The following LINGO2 variants were observed in gnomAD, a reference collection of about 807,000 sequenced individuals.
LINGO2 encodes the protein leucine rich repeat and Ig domain containing 2.
Under a neutral mutation model 30.6 loss-of-function variants are expected in LINGO2, and 14 were observed. That is an observed-to-expected ratio of 0.46 (90% CI 0.30 to 0.72). The LOEUF (loss-of-function observed/expected upper bound fraction) is 0.72, where lower values mean the gene tolerates loss of function less well. Ranked by LOEUF, LINGO2 falls within the 30% of genes least tolerant of loss-of-function variation. The probability of loss-of-function intolerance (pLI) is 0.07; values close to 1 mark genes in which losing one functional copy is unlikely to be tolerated. For missense variants in LINGO2, 729 were observed against 751.7 expected, an observed-to-expected ratio of 0.97 and a Z score of 0.35; for synonymous variants, 317 against 288.5, an observed-to-expected ratio of 1.10 and a Z score of -1.00.
chr9:28,159,580 C>T (rs1015481826), intron 4 of LINGO2, among the ~76,000 whole-genome samples: 1 of 151,792 alleles, frequency 6.6e-6, no homozygotes, highest in African/African-American at 2.4e-5. Flanking sequence ...TAGATAATTG[C>T]TTTACAACCC....
the LINGO2 span, among the ~76,000 whole-genome samples, chr9:28,912,451 C>T: frequency 2.6e-4 from 40 of 152,118 alleles, no homozygotes; most frequent in African/African-American, 9.2e-4. Context: ...TGGCAGGCAA[C>T]TCTTCTGTAT....
intron 4 of LINGO2, among the ~76,000 whole-genome samples, chr9:28,059,406 A>G (rs1028034155): frequency 6.6e-6 from 1 of 151,748 alleles, no homozygotes; most frequent in East Asian, 1.9e-4. Context: ...CTTTTTCTCA[A>G]TCCTTTGACT....
At chr9:28,632,866 ATATATATATATAT>A (rs1827052451) in intron 1 of LINGO2, among the ~76,000 whole-genome samples, 1 of 108,210 alleles carries the variant, frequency 9.2e-6, no homozygotes, top group African/African-American at 4.0e-5. Flanking sequence ...TTATATATAT[ATATATATATATAT>A]GTAGAGAGAG....
intron 1 of LINGO2, among the ~76,000 whole-genome samples, chr9:28,526,098 T>A (rs1234313086): frequency 1.4e-5 from 2 of 143,852 alleles, no homozygotes; most frequent in South Asian, 2.3e-4. Flanking sequence ...ACCCACCTTA[T>A]ACTGGTGAAC....
At chr9:28,866,008 C>T in the LINGO2 span, among the ~76,000 whole-genome samples, 2 of 152,022 alleles carry the variant, frequency 1.3e-5, no homozygotes, top group African/African-American at 2.4e-5. Flanking sequence ...CTATGTTAGT[C>T]GGGTACTTGG....
rs138870574 is a variant in LINGO2, at chr9:27,958,589, T to C, written c.-35-7883A>G. ...CATTCATATAACTTTTATTATAGTATATTTTTATAATTGTCCTATTTTATT... is the reference window on the plus strand; with the variant it reads ...CATTCATATAACTTTTATTATAGTACATTTTTATAATTGTCCTATTTTATT... On this transcript the variant is annotated intron_variant, in intron 5 of 5. Coordinates refer to ENST00000379992, the Ensembl canonical transcript of LINGO2. 7.6e-3 allele frequency among the ~76,000 whole-genome samples: 1,150 copies of C among 152,300 alleles called. 20 individuals carry two copies. The highest frequency in any genetic ancestry group is 0.027 in the African/African-American group (1,108 of 41,578).
intron 1 of LINGO2, among the ~76,000 whole-genome samples, chr9:28,544,587 C>T (rs1022483353): frequency 6.6e-6 from 1 of 152,168 alleles, no homozygotes; most frequent in East Asian, 1.9e-4. Flanking sequence ...GCATTCCCAC[C>T]CATGTTAGTA....
At chr9:27,942,353 C>G in the LINGO2 span, 3 of 151,816 alleles carry the variant, frequency 2.0e-5, no homozygotes, top group Non-Finnish European at 1.5e-5. Flanking sequence ...TATTTTTATA[C>G]GACTCCGATT....
rs370073231 is a variant in LINGO2 at position 28,326,217 on chromosome 9, T to G, written c.-245-30851A>C. Among the ~76,000 whole-genome samples, 18 of 152,160 alleles carry G rather than the reference T, an allele frequency of 1.2e-4. No individual in the cohort carries two copies. The East Asian group carries it at 1.5e-3, about 13-fold the overall frequency. ...AGATGGGATTTCACCATGTTGGTCATGCTGGTCTGTAACTCCTGACCTCGT... is the reference window on the plus strand; with the variant it reads ...AGATGGGATTTCACCATGTTGGTCAGGCTGGTCTGTAACTCCTGACCTCGT... On this transcript the variant is annotated intron_variant, in intron 3 of 5. Transcript: ENST00000379992.
At chr9:28,670,782 G>A (rs1274542779), upstream of LINGO2, among the ~76,000 whole-genome samples, 1 of 152,078 alleles carries the variant, frequency 6.6e-6, no homozygotes, top group Non-Finnish European at 1.5e-5. Context: ...CATCTGATAA[G>A]TTAATATGCA....
chr9:28,642,244 A>T (rs1357832108), intron 1 of LINGO2, among the ~76,000 whole-genome samples: 1 of 152,154 alleles, frequency 6.6e-6, no homozygotes, highest in African/African-American at 2.4e-5. Context: ...AGTGTCCTTA[A>T]AAAACCCCAA....
the LINGO2 span, among the ~76,000 whole-genome samples, chr9:29,128,200 T>A: frequency 2.6e-5 from 4 of 152,122 alleles, no homozygotes; most frequent in Non-Finnish European, 4.4e-5. Flanking sequence ...TCTAACACAC[T>A]AAGATTAGAC....
chr9:29,034,447 C>A, the LINGO2 span, among the ~76,000 whole-genome samples: 1 of 152,074 alleles, frequency 6.6e-6, no homozygotes, highest in Non-Finnish European at 1.5e-5. Flanking sequence ...AGTGGCCCAG[C>A]AAACTGTAAG....
intron 5 of LINGO2, among the ~76,000 whole-genome samples, chr9:27,987,786 C>A (rs1486919231): frequency 6.6e-6 from 1 of 151,932 alleles, no homozygotes; most frequent in African/African-American, 2.4e-5. Context: ...TACCCAGATT[C>A]ATTTATGACT....
intron 1 of LINGO2, among the ~76,000 whole-genome samples, chr9:28,511,033 C>G (rs1227530303): frequency 6.6e-6 from 1 of 151,874 alleles, no homozygotes; most frequent in African/African-American, 2.4e-5. Flanking sequence ...AGACTGTGCC[C>G]ACTAGATTAA....
At chr9:29,062,451 G>A in the LINGO2 span, among the ~76,000 whole-genome samples, 4 of 152,048 alleles carry the variant, frequency 2.6e-5, no homozygotes, top group African/African-American at 7.2e-5. Context: ...GTTCATCAGT[G>A]GATGAATGGA....
At chr9:27,953,325 A>T (rs1027278526) in intron 5 of LINGO2, among the ~76,000 whole-genome samples, 2 of 152,144 alleles carry the variant, frequency 1.3e-5, no homozygotes, top group African/African-American at 2.4e-5. Context: ...ACTACTATAC[A>T]TGTTTGTTAC....
At chr9:29,121,274 T>G in the LINGO2 span, among the ~76,000 whole-genome samples, 1 of 152,172 alleles carries the variant, frequency 6.6e-6, no homozygotes, top group Non-Finnish European at 1.5e-5. Flanking sequence ...TTATAATCAG[T>G]AAGTTTGTAT....
chr9:28,903,940 C>T, the LINGO2 span, among the ~76,000 whole-genome samples: 2 of 151,928 alleles, frequency 1.3e-5, no homozygotes, highest in African/African-American at 4.8e-5. Context: ...TTCCAATGAA[C>T]ATAGATGCAA....
Sources: allele counts gnomAD v4.1 joint callset (sites outside exome capture counted in the v4.1 genomes callset), GRCh38; gene constraint gnomAD v4.1.1; transcripts MANE v1.5; gene names NCBI Gene and HGNC (gene_info 2026-07-23, HGNC 2026-07-21).